The following ABCB1 variants were observed in gnomAD, a reference collection of about 807,000 sequenced individuals.
The protein encoded by ABCB1 is ATP-dependent translocase ABCB1.
Under a neutral mutation model 142.0 loss-of-function variants are expected in ABCB1, and 69 were observed. The observed-to-expected ratio is 0.49, with a 90% CI of 0.40 to 0.59. ABCB1 has a LOEUF of 0.59. Ranked by LOEUF, ABCB1 falls within the 20% of genes least tolerant of loss-of-function variation. The pLI is 0.00. For missense variants in ABCB1, 1,326 were observed against 1,554.7 expected, an observed-to-expected ratio of 0.85 and a Z score of 2.47; for synonymous variants, 532 against 539.2, an observed-to-expected ratio of 0.99 and a Z score of 0.18.
At chr7:87,675,435 C>T (rs1826228390) in intron 1 of ABCB1, among the ~76,000 whole-genome samples, 1 of 152,084 alleles carries the variant, frequency 6.6e-6, no homozygotes, top group South Asian at 2.1e-4. Context: ...AGGCATTATG[C>T]TTCCTGACTT....
intron 27 of ABCB1, among the ~76,000 whole-genome samples, 156 bp from the exon 28 acceptor site, chr7:87,504,605 A>T (rs575129119): frequency 6.6e-6 from 1 of 152,132 alleles, no homozygotes; most frequent in Admixed American, 6.5e-5. Flanking sequence ...TCAGATTGAG[A>T]CCATCCTGGC....
At chr7:87,605,815 G>T (rs1376708366), upstream of ABCB1, among the ~76,000 whole-genome samples, 2 of 152,152 alleles carry the variant, frequency 1.3e-5, no homozygotes, top group Non-Finnish European at 2.9e-5. Flanking sequence ...AAGATTTGAT[G>T]TGTGTTTAGT....
chr7:87,670,429 T>C (rs932606780), intron 1 of ABCB1, among the ~76,000 whole-genome samples: 4 of 152,232 alleles, frequency 2.6e-5, no homozygotes, highest in Non-Finnish European at 5.9e-5. Flanking sequence ...TTCCTGAGTC[T>C]CAGTGATCTT....
chr7:87,712,989 A>G (rs1563155245), intron 1 of ABCB1, among the ~76,000 whole-genome samples: 1 of 152,118 alleles, frequency 6.6e-6, no homozygotes, highest in Non-Finnish European at 1.5e-5. Context: ...AAAATGCGGC[A>G]AAAAAATCTT....
intron 23 of ABCB1, among the ~76,000 whole-genome samples, chr7:87,518,098 G>A (rs927854740): frequency 7.2e-5 from 11 of 152,030 alleles, no homozygotes; most frequent in Admixed American, 6.6e-4. Context: ...TTGGGAACCC[G>A]CCCAGAATAC....
At chr7:87,712,721 G>A (rs1375935623) in intron 1 of ABCB1, among the ~76,000 whole-genome samples, 2 of 151,896 alleles carry the variant, frequency 1.3e-5, no homozygotes, top group Non-Finnish European at 2.9e-5. Context: ...AAATGATTCA[G>A]CTCTAAAAAA....
chr7:87,516,533 G>T lies in ABCB1; in HGVS notation c.3060C>A (p.Ser1020Arg). 6.2e-7 allele frequency: 1 copy of T among 1,614,170 alleles called. No homozygotes were observed. Among genetic ancestry groups the T allele is most frequent in the Non-Finnish European group, 8.5e-7 (1 of 1,180,028 alleles). Reference protein sequence around the residue: ...MIIEKTPLIDSYSTEGLMPNT... With the variant: ...MIIEKTPLIDRYSTEGLMPNT... Reference sequence around the variant, plus strand: ...CCGGCATTAGGCCTTCCGTGCTGTAGCTGTCAATCAAAGGGGTTTTTTCAA... The same window carrying T: ...CCGGCATTAGGCCTTCCGTGCTGTATCTGTCAATCAAAGGGGTTTTTTCAA... Residue 1020 changes from serine (S) to arginine (R), a missense_variant, in exon 24 of 28, where the codon AGC (serine) becomes AGA (arginine). Ser to Arg is a moderately radical substitution (Grantham distance 110). Coordinates refer to ENST00000622132, the MANE Select transcript of ABCB1 (RefSeq NM_001348946.2).
intron 1 of ABCB1, among the ~76,000 whole-genome samples, chr7:87,625,751 C>T (rs1263607810): frequency 6.6e-6 from 1 of 152,068 alleles, no homozygotes; most frequent in Non-Finnish European, 1.5e-5. Flanking sequence ...TCTTTATAAG[C>T]CTCCGTGTCA....
At chr7:87,556,119 G>C (rs1817297195) in intron 8 of ABCB1, among the ~76,000 whole-genome samples, 1 of 152,098 alleles carries the variant, frequency 6.6e-6, no homozygotes, top group Non-Finnish European at 1.5e-5. Flanking sequence ...TTCATCAAAG[G>C]CTTTAGTACA....
chr7:87,702,167 A>AC (rs1829134730), intron 1 of ABCB1, among the ~76,000 whole-genome samples: 1 of 150,082 alleles, frequency 6.7e-6, no homozygotes, highest in Non-Finnish European at 1.5e-5. Context: ...AAAAAAAAAA[A>AC]AAAAACAGAG....
chr7:87,521,512 A>T (rs1584842626), intron 21 of ABCB1: 1 of 753,580 alleles, frequency 1.3e-6, no homozygotes, highest in Non-Finnish European at 2.5e-6. Context: ...GAAATTCTTC[A>T]TTGGAGGTTG....
chr7:87,639,792 G>T (rs1409483321), intron 1 of ABCB1, among the ~76,000 whole-genome samples: 3 of 151,972 alleles, frequency 2.0e-5, no homozygotes, highest in Middle Eastern at 7.1e-3. Flanking sequence ...TATATTTAGA[G>T]TGTCCTTGTA....
intron 2 of ABCB1, among the ~76,000 whole-genome samples, chr7:87,597,752 T>A (rs1819263159): frequency 6.6e-6 from 1 of 152,180 alleles, no homozygotes. Flanking sequence ...CAATTGCAAT[T>A]ACATGTTCTC....
intron 1 of ABCB1, chr7:87,710,685 A>G (rs376233481): frequency 1.9e-5 from 24 of 1,258,578 alleles, no homozygotes; most frequent in Admixed American, 6.2e-5. Context: ...TTTCTAATAT[A>G]TATTTGAAAG....
chr7:87,595,885 A>G (rs1462673592), intron 2 of ABCB1, 71 bp from the exon 3 acceptor site: 4 of 1,192,674 alleles, frequency 3.4e-6, no homozygotes, highest in Non-Finnish European at 3.7e-6. Flanking sequence ...AAATTAACAT[A>G]GAATGTATAT....
At chr7:87,645,081 CTTT>C (rs551936794) in intron 1 of ABCB1, among the ~76,000 whole-genome samples, 4 of 128,070 alleles carry the variant, frequency 3.1e-5, no homozygotes, top group Non-Finnish European at 3.4e-5. Context: ...TGCTTTCTTT[CTTT>C]TTTTTTTTTT....
intron 1 of ABCB1, among the ~76,000 whole-genome samples, chr7:87,651,776 A>G (rs1197025295): frequency 2.0e-5 from 3 of 152,144 alleles, no homozygotes; most frequent in Admixed American, 6.6e-5. Context: ...AGGTTTTAAT[A>G]TAAGTGTTTA....
At chr7:87,669,069 G>A (rs555124969) in intron 1 of ABCB1, among the ~76,000 whole-genome samples, 1 of 152,254 alleles carries the variant, frequency 6.6e-6, no homozygotes, top group East Asian at 1.9e-4. Flanking sequence ...AATACTGTCT[G>A]TGGAGTGTTG....
intron 15 of ABCB1, 67 bp from the exon 16 acceptor site, chr7:87,545,066 G>T: frequency 6.9e-7 from 1 of 1,440,268 alleles, no homozygotes; most frequent in Admixed American, 1.8e-5. Flanking sequence ...GCTAATCACT[G>T]AATGTCAGCT....
Sources: gnomAD v4.1 joint callset for allele counts (sites outside exome capture counted in the v4.1 genomes callset) on GRCh38, gnomAD v4.1.1 for gene constraint, MANE v1.5 for transcripts, NCBI Gene and HGNC (gene_info 2026-07-23, HGNC 2026-07-21) for gene names.